The following CD99L2 variants were observed in gnomAD, a reference collection of about 807,000 sequenced individuals.
CD99L2 encodes the protein CD99 antigen-like protein 2.
CD99L2 carries 24 observed loss-of-function variants against 27.3 expected under a neutral mutation model. The observed-to-expected ratio is 0.88, with a 90% CI of 0.64 to 1.24. The LOEUF (loss-of-function observed/expected upper bound fraction) is 1.24, where lower values mean the gene tolerates loss of function less well. Ranked by LOEUF, CD99L2 falls within the 50% of genes most tolerant of loss-of-function variation. The pLI is 0.00. For missense variants in CD99L2, 255 were observed against 221.6 expected (o/e 1.15, Z -0.96); for synonymous variants, 97 against 87.9 (o/e 1.10, Z -0.58).
At chrX:150,791,112 T>G (rs1159813703) in intron 7 of CD99L2, among the ~76,000 whole-genome samples, 1 of 112,034 alleles carries the variant, frequency 8.9e-6, no homozygotes, top group African/African-American at 3.2e-5. Flanking sequence ...ACTGTATCTA[T>G]CCATGACTTG....
chrX:150,813,346 G>A (rs1253980462), intron 4 of CD99L2, among the ~76,000 whole-genome samples: 1 of 111,865 alleles, frequency 8.9e-6, no homozygotes, highest in African/African-American at 3.3e-5. Flanking sequence ...ACTGGGTGAA[G>A]GGTACAAGGG....
At chrX:150,853,718 C>T (rs1368574851) in intron 1 of CD99L2, among the ~76,000 whole-genome samples, 2 of 111,793 alleles carry the variant, frequency 1.8e-5, no homozygotes, top group Non-Finnish European at 3.8e-5. Context: ...CTTGGGAAGA[C>T]GAACTTCAGA....
Position 150,777,359 on chromosome X carries a change from T to C in CD99L2, c.535+85A>G. ...GCCTGATGCAGTTTCTAGCTTGACTTTTCCCTTGGCTTAGTGATTTTGGGG... is the reference window on the plus strand; with the variant it reads ...GCCTGATGCAGTTTCTAGCTTGACTCTTCCCTTGGCTTAGTGATTTTGGGG... On this transcript the variant is annotated intron_variant, in intron 8 of 10. Coordinates refer to ENST00000370377, the MANE Select transcript of CD99L2 (RefSeq NM_031462.4). The C allele has an allele frequency of 3.6e-6, 4 of 1,122,179 alleles. No homozygotes were observed. The South Asian group carries it at 5.5e-5, about 15-fold the overall frequency. The allele number at this position is 1,122,179 out of a possible 1,213,427, so 92.5% of individuals were successfully genotyped here. A position where few individuals can be genotyped will look rare whatever the true frequency, so the allele number is the denominator to read the frequency against.
At chrX:150,769,217 G>GA in intron 10 of CD99L2, 116 bp from the exon 11 acceptor site, 1 of 872,607 alleles carries the variant, frequency 1.1e-6, no homozygotes, top group Non-Finnish European at 1.6e-6. Flanking sequence ...ATCCCCTGGG[G>GA]GGCCGCTTAG....
At chrX:150,815,508 C>A (rs781978530) in intron 3 of CD99L2, among the ~76,000 whole-genome samples, 2 of 112,052 alleles carry the variant, frequency 1.8e-5, no homozygotes, top group East Asian at 5.7e-4. Flanking sequence ...CCCAGCCACA[C>A]CGTCACATTT....
At chrX:150,836,139 A>G (rs909693975) in intron 1 of CD99L2, among the ~76,000 whole-genome samples, 16 of 111,514 alleles carry the variant, frequency 1.4e-4, no homozygotes, top group African/African-American at 4.2e-4. Flanking sequence ...GTAGTTTGTC[A>G]TAAGGGTGTA....
At chrX:150,892,063 T>C (rs1429461338) in intron 1 of CD99L2, among the ~76,000 whole-genome samples, 1 of 108,265 alleles carries the variant, frequency 9.2e-6, no homozygotes, top group Non-Finnish European at 1.9e-5. Context: ...CTACTAAAAA[T>C]ACAAAAAATT....
At chrX:150,799,704 T>C (rs1232644466) in intron 4 of CD99L2, among the ~76,000 whole-genome samples, 4 of 111,602 alleles carry the variant, frequency 3.6e-5, no homozygotes, top group African/African-American at 1.3e-4. Flanking sequence ...GGGATGGCTA[T>C]TATTAAAAGA....
Position 150,767,111 on chromosome X carries a change from C to G in CD99L2, c.*1923G>C, listed in dbSNP as rs781822126. On this transcript the variant is annotated 3_prime_UTR_variant, in exon 11 of 11. Transcript: ENST00000370377. ...TGAGGTCACGCTGTCCAGGTGGCGA[C>G]AGGCCACGCATGCCAAAATCCTCCA... The G allele has an allele frequency of 8.9e-6, 1 of 112,007 alleles. No homozygotes were observed. Among genetic ancestry groups the G allele is most frequent in the Admixed American group, 9.4e-5 (1 of 10,620 alleles). The allele number at this position is 112,007 out of a possible 1,213,427, so 9.2% of individuals were successfully genotyped here.
chrX:150,825,303 T>C (rs930946743), intron 2 of CD99L2, among the ~76,000 whole-genome samples: 4 of 112,464 alleles, frequency 3.6e-5, no homozygotes, highest in Admixed American at 9.4e-5. Context: ...TGTTTATCTG[T>C]CTTAAAGAAA....
At chrX:150,819,097 A>C (rs1404701386) in intron 2 of CD99L2, 1 of 316,181 alleles carries the variant, frequency 3.2e-6, no homozygotes, top group African/African-American at 2.7e-5. Context: ...TTTCATCTCC[A>C]CTGCCAAGAC....
chrX:150,861,554 A>G (rs1024955099), intron 1 of CD99L2, among the ~76,000 whole-genome samples: 4 of 111,633 alleles, frequency 3.6e-5, no homozygotes, highest in Non-Finnish European at 7.5e-5. Context: ...ATAAAAAATG[A>G]TAAAGGGGAT....
At chrX:150,894,980 A>G (rs1230273247) in intron 1 of CD99L2, among the ~76,000 whole-genome samples, 1 of 111,789 alleles carries the variant, frequency 8.9e-6, no homozygotes, top group African/African-American at 3.2e-5. Flanking sequence ...TGCTCTGGTT[A>G]TGCAGGTAAA....
At chrX:150,861,785 A>G (rs1352218420) in intron 1 of CD99L2, among the ~76,000 whole-genome samples, 1 of 109,761 alleles carries the variant, frequency 9.1e-6, no homozygotes, top group African/African-American at 3.3e-5. Context: ...GGGCGCCTGT[A>G]ATCTCAGCTA....
At chrX:150,818,933 T>C (rs2046205893) in intron 2 of CD99L2, 3 of 356,508 alleles carry the variant, frequency 8.4e-6, no homozygotes, top group South Asian at 5.4e-5. Flanking sequence ...CCAGGGTTTA[T>C]GTGCTAGGGT....
intron 1 of CD99L2, among the ~76,000 whole-genome samples, chrX:150,877,120 A>T (rs1209768316): frequency 1.0e-5 from 1 of 96,013 alleles, no homozygotes; most frequent in Non-Finnish European, 2.1e-5. Flanking sequence ...CTGTCTCTTA[A>T]TAAAAAAAAA....
intron 4 of CD99L2, among the ~76,000 whole-genome samples, chrX:150,811,224 A>G (rs1173937604): frequency 1.8e-5 from 2 of 111,786 alleles, no homozygotes; most frequent in African/African-American, 3.2e-5. Context: ...ACAATAAGAC[A>G]ATAAGACACA....
intron 2 of CD99L2, among the ~76,000 whole-genome samples, chrX:150,826,744 TTC>T (rs1157176883): frequency 8.9e-6 from 1 of 112,079 alleles, no homozygotes; most frequent in Non-Finnish European, 1.9e-5. Context: ...CCCTGACAAC[TTC>T]TCTGTCTTTT....
At chrX:150,818,787 T>A in intron 2 of CD99L2, 1 of 325,511 alleles carries the variant, frequency 3.1e-6, no homozygotes, top group Non-Finnish European at 6.1e-6. Flanking sequence ...ACCGTCGCTG[T>A]CTAAGGTGAG....
Sources: allele counts gnomAD v4.1 joint callset (sites outside exome capture counted in the v4.1 genomes callset), GRCh38; gene constraint gnomAD v4.1.1; transcripts MANE v1.5; gene names NCBI Gene and HGNC (gene_info 2026-07-23, HGNC 2026-07-21).